The following UBR3 variants were observed in gnomAD, a reference collection of about 807,000 sequenced individuals.
The protein encoded by UBR3 is E3 ubiquitin-protein ligase UBR3.
A neutral mutation model predicts 243.2 loss-of-function variants in UBR3; 85 were observed. That is an observed-to-expected ratio of 0.35 (90% CI 0.29 to 0.42). The LOEUF is 0.42. Ranked by LOEUF, UBR3 falls within the 10% of genes least tolerant of loss-of-function variation. The probability of loss-of-function intolerance (pLI) is 1.00; values close to 1 mark genes in which losing one functional copy is unlikely to be tolerated. For synonymous variants in UBR3, 748 were observed against 799.8 expected, an observed-to-expected ratio of 0.94 and a Z score of 1.09; for missense variants, 1,686 against 2,300.8, an observed-to-expected ratio of 0.73 and a Z score of 5.47.
rs2091926490 is a variant in UBR3 at position 170,082,746 on chromosome 2, A to G, written c.*903A>G. ...TAGAAATGCTCAGACTTCCCCAGAAATGAACCATAAATTTTGGAACTTCCT... is the reference window on the plus strand; with the variant it reads ...TAGAAATGCTCAGACTTCCCCAGAAGTGAACCATAAATTTTGGAACTTCCT... On this transcript the variant is annotated 3_prime_UTR_variant, in exon 39 of 39. Coordinates refer to ENST00000272793, the MANE Select transcript of UBR3 (RefSeq NM_172070.4). 1 of 152,286 alleles carries G rather than the reference A, an allele frequency of 6.6e-6. No homozygotes were observed. Among genetic ancestry groups the G allele is most frequent in the Admixed American group, 6.5e-5 (1 of 15,274 alleles). 9.4% of individuals were successfully genotyped at this position (152,286 alleles called of 1,614,324 possible).
intron 1 of UBR3, among the ~76,000 whole-genome samples, chr2:169,836,061 A>T (rs1485398338): frequency 0.018 from 623 of 33,970 alleles, 71 homozygotes; most frequent in Admixed American, 0.027. Context: ...ATATATATAT[A>T]TATATATTTT....
At chr2:170,077,895 TAA>T (rs1166803742) in intron 36 of UBR3, 1 of 444,170 alleles carries the variant, frequency 2.3e-6, no homozygotes, top group African/African-American at 2.1e-5. Flanking sequence ...TCTGTTCAAA[TAA>T]CTCTTAACAC....
At chr2:169,893,750 C>T (rs1307124218) in intron 6 of UBR3, among the ~76,000 whole-genome samples, 1 of 151,978 alleles carries the variant, frequency 6.6e-6, no homozygotes, top group East Asian at 1.9e-4. Context: ...TTTTTAGAGA[C>T]AGGGTTTTGC....
At chr2:170,069,113 C>T (rs2091642225) in intron 35 of UBR3, among the ~76,000 whole-genome samples, 1 of 152,054 alleles carries the variant, frequency 6.6e-6, no homozygotes, top group Non-Finnish European at 1.5e-5. Flanking sequence ...AGAAGGAACA[C>T]TTCTGAACTC....
chr2:170,040,434 TACCTTTTCA>T, intron 31 of UBR3, among the ~76,000 whole-genome samples: 1 of 152,290 alleles, frequency 6.6e-6, no homozygotes, highest in Non-Finnish European at 1.5e-5. Context: ...CAGTTAACCA[TACCTTTTCA>T]ACAGGAATTG....
intron 6 of UBR3, among the ~76,000 whole-genome samples, chr2:169,893,976 C>T (rs1208555540): frequency 6.6e-6 from 1 of 151,926 alleles, no homozygotes; most frequent in Non-Finnish European, 1.5e-5. Context: ...CTGTATTTTA[C>T]CTCATTTCTT....
At chr2:170,063,697 C>T (rs1245851953) in intron 35 of UBR3, among the ~76,000 whole-genome samples, 8 of 152,080 alleles carry the variant, frequency 5.3e-5, no homozygotes, top group Non-Finnish European at 2.9e-5. Flanking sequence ...ATCTTTTTGT[C>T]CAGCATATTC....
At chr2:169,870,718 G>T (rs1346279728) in intron 1 of UBR3, among the ~76,000 whole-genome samples, 1 of 151,300 alleles carries the variant, frequency 6.6e-6, no homozygotes, top group East Asian at 2.0e-4. Flanking sequence ...CAGTGGCACG[G>T]TCTTGGCTCA....
Position 170,055,526 on chromosome 2 carries a change from C to G in UBR3, c.4727C>G (p.Ser1576Ter). 1 of 1,613,748 alleles carries G rather than the reference C, an allele frequency of 6.2e-7. No homozygotes were observed. The highest frequency in any genetic ancestry group is 8.5e-7 in the Non-Finnish European group (1 of 1,179,764). The change falls in exon 33 of 39, where the codon TCA (serine) becomes TGA (stop). Residue 1576 changes from serine (S) to a stop codon, truncating the protein, a stop_gained. Coordinates refer to ENST00000272793, the MANE Select transcript of UBR3 (RefSeq NM_172070.4). LOFTEE classifies it high-confidence loss of function. The part of the protein sequence containing the change: ...LLYTQALAAL[S>*]VKCSEEDRSA... ...TACACACAGGCTCTTGCAGCACTCT[C>G]AGTTAAATGCAGCGAAGAAGATAGG... is the stretch of plus-strand genomic sequence containing the variant.
intron 35 of UBR3, 111 bp downstream of exon 35, chr2:170,061,554 G>T: frequency 7.5e-7 from 1 of 1,339,408 alleles, no homozygotes; most frequent in Non-Finnish European, 1.0e-6. Flanking sequence ...TGCAACCTCC[G>T]CCTGCCAGGT....
intron 1 of UBR3, among the ~76,000 whole-genome samples, chr2:169,835,615 AT>A (rs1423974704): frequency 6.6e-6 from 1 of 151,818 alleles, no homozygotes; most frequent in African/African-American, 2.4e-5. Context: ...TAATTTTTGT[AT>A]TTTTAGTAGA....
At chr2:170,039,878 T>G (rs1296000890) in intron 31 of UBR3, among the ~76,000 whole-genome samples, 1 of 152,114 alleles carries the variant, frequency 6.6e-6, no homozygotes, top group East Asian at 1.9e-4. Context: ...GTTTACTACT[T>G]TGTCTTTTAT....
intron 24 of UBR3, among the ~76,000 whole-genome samples, chr2:169,985,318 T>C (rs2105387229): frequency 6.7e-6 from 1 of 150,058 alleles, no homozygotes; most frequent in African/African-American, 2.4e-5. Flanking sequence ...AACCTCTGCC[T>C]CCTGGGTTCA....
chr2:169,860,006 C>T (rs894453323), intron 1 of UBR3, among the ~76,000 whole-genome samples: 12 of 152,190 alleles, frequency 7.9e-5, no homozygotes, highest in African/African-American at 2.7e-4. Context: ...CGTGAGCCAC[C>T]GCACCTGGTC....
intron 7 of UBR3, among the ~76,000 whole-genome samples, 152 bp from the exon 8 acceptor site, chr2:169,896,355 G>A (rs2105328003): frequency 6.6e-6 from 1 of 151,758 alleles, no homozygotes; most frequent in Admixed American, 6.6e-5. Flanking sequence ...AAAAGTGAAA[G>A]ACTACCTCAC....
chr2:169,944,887 C>A (rs1239322263), intron 20 of UBR3, among the ~76,000 whole-genome samples: 1 of 152,126 alleles, frequency 6.6e-6, no homozygotes, highest in East Asian at 1.9e-4. Context: ...GTTGCTTACA[C>A]TAGCTAGCTG....
At chr2:170,012,694 T>C (rs2090122150) in intron 29 of UBR3, among the ~76,000 whole-genome samples, 1 of 140,258 alleles carries the variant, frequency 7.1e-6, no homozygotes, top group South Asian at 2.4e-4. Context: ...TTTTTCCCCC[T>C]GAGAAATTGA....
chr2:169,887,404 C>T (rs1036906834), intron 5 of UBR3, among the ~76,000 whole-genome samples: 3 of 152,160 alleles, frequency 2.0e-5, no homozygotes, highest in Non-Finnish European at 4.4e-5. Flanking sequence ...ACCTTAGCTC[C>T]ACATCATGAA....
chr2:169,950,629 G>A lies in UBR3; in HGVS notation c.3545+564G>A, dbSNP rs182093610. 8.2e-3 allele frequency among the ~76,000 whole-genome samples: 1,192 copies of A among 145,310 alleles called. 12 individuals carry two copies. Among genetic ancestry groups the A allele is most frequent in the African/African-American group, 0.027 (1,067 of 39,072 alleles). On this transcript the variant is annotated intron_variant, in intron 23 of 38. Coordinates refer to ENST00000272793, the MANE Select transcript of UBR3 (RefSeq NM_172070.4). ...CTTTTGACTTTCTTGAAAAAAAAATGGGATTTTTTTAAAATCTCAAGATAT... is the reference window on the plus strand; with the variant it reads ...CTTTTGACTTTCTTGAAAAAAAAATAGGATTTTTTTAAAATCTCAAGATAT...
Sources: allele counts gnomAD v4.1 joint callset (sites outside exome capture counted in the v4.1 genomes callset), GRCh38; gene constraint gnomAD v4.1.1; transcripts MANE v1.5; gene names NCBI Gene and HGNC (gene_info 2026-07-23, HGNC 2026-07-21).